Variants in SULT1E1 observed in about 807,000 individuals in gnomAD.
SULT1E1 encodes sulfotransferase 1E1.
SULT1E1 carries 36 observed loss-of-function variants against 33.6 expected under a neutral mutation model. The observed-to-expected ratio is 1.07, with a 90% CI of 0.82 to 1.41. The LOEUF is 1.41. Ranked by LOEUF, SULT1E1 falls within the 40% of genes most tolerant of loss-of-function variation. The probability of loss-of-function intolerance (pLI) is 0.00; values close to 1 mark genes in which losing one functional copy is unlikely to be tolerated. For synonymous variants in SULT1E1, 121 were observed against 111.7 expected (o/e 1.08, Z -0.53); for missense variants, 371 against 345.7 (o/e 1.07, Z -0.58).
chr4:69,821,495 C>T, the SULT1E1 span, among the ~76,000 whole-genome samples: 2 of 152,194 alleles, frequency 1.3e-5, no homozygotes, highest in Non-Finnish European at 2.9e-5. Context: ...TTCCCTTATG[C>T]AGCCAAATTA....
chr4:69,828,136 C>A, the SULT1E1 span, among the ~76,000 whole-genome samples: 17 of 152,174 alleles, frequency 1.1e-4, no homozygotes. Context: ...AATTGTCTTC[C>A]TCCTTGACAC....
chr4:69,853,057 A>T (rs1358091510), intron 4 of SULT1E1, among the ~76,000 whole-genome samples: 2 of 152,172 alleles, frequency 1.3e-5, no homozygotes, highest in East Asian at 3.8e-4. Context: ...TAACCTGGCA[A>T]TCTTTGATTT....
chr4:69,832,135 A>G, the SULT1E1 span, among the ~76,000 whole-genome samples: 1 of 152,166 alleles, frequency 6.6e-6, no homozygotes, highest in African/African-American at 2.4e-5. Context: ...CTTGAGCCCC[A>G]AAACCTTACC....
At chr4:69,822,896 C>T in the SULT1E1 span, among the ~76,000 whole-genome samples, 1 of 152,112 alleles carries the variant, frequency 6.6e-6, no homozygotes, top group Admixed American at 6.5e-5. Flanking sequence ...AATGGTCCTG[C>T]AAAATTAATG....
At chr4:69,827,945 A>G in the SULT1E1 span, among the ~76,000 whole-genome samples, 1 of 152,162 alleles carries the variant, frequency 6.6e-6, no homozygotes, top group Non-Finnish European at 1.5e-5. Flanking sequence ...CCAACCCCTC[A>G]TTCATGTCTG....
intron 1 of SULT1E1, among the ~76,000 whole-genome samples, chr4:69,859,506 T>C (rs1721320643): frequency 6.6e-6 from 1 of 152,150 alleles, no homozygotes; most frequent in Non-Finnish European, 1.5e-5. Flanking sequence ...AAATATTTGT[T>C]AAGTTCAATT....
chr4:69,831,322 T>A, the SULT1E1 span, among the ~76,000 whole-genome samples: 1 of 152,182 alleles, frequency 6.6e-6, no homozygotes, highest in Non-Finnish European at 1.5e-5. Flanking sequence ...TTCGGCTGCT[T>A]GGGCCACTAG....
In SULT1E1 at chr4:69,855,489, G is replaced by A. The variant is rs111594534; in HGVS notation, c.146-63C>T. The A allele has an allele frequency of 5.9e-4, 888 of 1,500,254 alleles. 6 individuals are homozygous for A. The African/African-American group carries it at 0.011, about 18-fold the overall frequency. 92.9% of individuals were successfully genotyped at this position (1,500,254 alleles called of 1,614,324 possible). On this transcript the variant is annotated intron_variant, in intron 2 of 7. Coordinates refer to ENST00000226444, the MANE Select transcript of SULT1E1 (RefSeq NM_005420.3). ...CTGTAGAGTTGATGACATTAGTGCT[G>A]CATTTATGGATGGAAAAAGTTGGAA...
the SULT1E1 span, among the ~76,000 whole-genome samples, chr4:69,835,096 C>A: frequency 6.6e-6 from 1 of 152,158 alleles, no homozygotes; most frequent in Non-Finnish European, 1.5e-5. Context: ...TTATATTACC[C>A]TAAACTCTTT....
the SULT1E1 span, among the ~76,000 whole-genome samples, chr4:69,824,946 C>G: frequency 6.6e-6 from 1 of 152,346 alleles, no homozygotes; most frequent in Middle Eastern, 3.4e-3. Context: ...CTGCTGCTCA[C>G]TCTTTGGGTT....
intron 7 of SULT1E1, among the ~76,000 whole-genome samples, chr4:69,842,697 AC>A (rs571939618): frequency 6.6e-6 from 1 of 152,134 alleles, no homozygotes; most frequent in Non-Finnish European, 1.5e-5. Flanking sequence ...CTTTATATCT[AC>A]TGCCTCTTAA....
intron 1 of SULT1E1, among the ~76,000 whole-genome samples, chr4:69,858,043 A>G (rs760232518): frequency 1.3e-5 from 2 of 152,180 alleles, no homozygotes; most frequent in Non-Finnish European, 2.9e-5. Flanking sequence ...CAAATTATCC[A>G]ATTATGTATA....
the SULT1E1 span, among the ~76,000 whole-genome samples, chr4:69,832,149 GT>G: frequency 6.6e-6 from 1 of 152,164 alleles, no homozygotes; most frequent in South Asian, 2.1e-4. Flanking sequence ...CCTTACCACA[GT>G]TCAGTAGAGC....
At chr4:69,846,305 C>CAACAAAAAAA (rs1720974779) in intron 6 of SULT1E1, among the ~76,000 whole-genome samples, 1 of 107,040 alleles carries the variant, frequency 9.3e-6, no homozygotes, top group Non-Finnish European at 1.9e-5. Context: ...ACAAAACAAT[C>CAACAAAAAAA]AAAAAAAAAA....
chr4:69,843,795 G>T (rs543020952), intron 7 of SULT1E1, among the ~76,000 whole-genome samples: 3 of 152,174 alleles, frequency 2.0e-5, no homozygotes, highest in Admixed American at 6.5e-5. Flanking sequence ...AACTCAAAAA[G>T]AGAGAGGAAT....
At chr4:69,847,137 G>A (rs563694299) in intron 6 of SULT1E1, among the ~76,000 whole-genome samples, 15 of 151,510 alleles carry the variant, frequency 9.9e-5, no homozygotes, top group African/African-American at 3.6e-4. Flanking sequence ...TCACTATGTA[G>A]CCATGTCTAA....
At position 69,857,595 on chromosome 4, in the gene SULT1E1, A is replaced by T. The variant is rs1356472094; in HGVS notation, c.50T>A (p.Ile17Asn). The change falls in exon 2 of 8, where the codon ATT (isoleucine) becomes AAT (asparagine). Residue 17 changes from isoleucine (I) to asparagine (N), a missense_variant. Ile to Asn is a moderately radical substitution (Grantham distance 149). Coordinates refer to ENST00000226444, the MANE Select transcript of SULT1E1 (RefSeq NM_005420.3). ...YYEKFEEVHG[I>N]LMYKDFVKYW... ...TTTGACAAAATCTTTATACATTAGAATCCCATGGACTTCTTCAAACTTTTC... is the reference window on the plus strand; with the variant it reads ...TTTGACAAAATCTTTATACATTAGATTCCCATGGACTTCTTCAAACTTTTC... 4 of 1,612,988 alleles carry T rather than the reference A, an allele frequency of 2.5e-6. No homozygotes were observed. The Admixed American group carries it at 6.7e-5, about 27-fold the overall frequency.
At chr4:69,829,774 C>T in the SULT1E1 span, among the ~76,000 whole-genome samples, 1 of 152,188 alleles carries the variant, frequency 6.6e-6, no homozygotes. Context: ...ATGGCTCCTA[C>T]AATGGTTGCA....
chr4:69,851,579 A>T (rs892588658), intron 4 of SULT1E1, among the ~76,000 whole-genome samples: 2 of 152,178 alleles, frequency 1.3e-5, no homozygotes, highest in Non-Finnish European at 2.9e-5. Flanking sequence ...TCCCTCAGGG[A>T]TCTAGAACTA....
Sources: gnomAD v4.1 joint callset for allele counts (sites outside exome capture counted in the v4.1 genomes callset) on GRCh38, gnomAD v4.1.1 for gene constraint, MANE v1.5 for transcripts, NCBI Gene and HGNC (gene_info 2026-07-23, HGNC 2026-07-21) for gene names.